Variants in TNFRSF11A observed in about 807,000 individuals in gnomAD.
TNFRSF11A encodes TNF receptor superfamily member 11a, also known as tumor necrosis factor receptor superfamily member 11A.
TNFRSF11A carries 32 observed loss-of-function variants against 55.7 expected under a neutral mutation model. The ratio of observed to expected loss-of-function variants is 0.57; its 90% CI spans 0.43 to 0.77. The LOEUF is 0.77. TNFRSF11A is among the 30% of genes least tolerant of loss of function. TNFRSF11A has a pLI of 0.00. For missense variants in TNFRSF11A, 753 were observed against 809.8 expected (o/e 0.93, Z 0.85); for synonymous variants, 311 against 331.0 (o/e 0.94, Z 0.65).
chr18:62,325,512 G>A lies in TNFRSF11A; in HGVS notation c.75+85G>A. ...AAGGGCCGGGGCCGGCGGCATCCTG[G>A]CTCCTCCGCCTTCCGAGAGGAGCCG... On this transcript the variant is annotated intron_variant, in intron 1 of 9. Transcript: ENST00000586569. This position sits in a 1 kb window ranked among gnomAD's most constrained non-coding sequence, Gnocchi z 4.7. The A allele has an allele frequency of 1.1e-6, 1 of 926,556 alleles. No homozygotes were observed. Among genetic ancestry groups the A allele is most frequent in the South Asian group, 2.8e-5 (1 of 35,498 alleles). The allele number at this position is 926,556 out of a possible 1,614,324, so 57.4% of individuals were successfully genotyped here. A position where few individuals can be genotyped will look rare whatever the true frequency, so the allele number is the denominator to read the frequency against.
intron 9 of TNFRSF11A, among the ~76,000 whole-genome samples, chr18:62,381,616 G>A (rs1019247541): frequency 1.3e-5 from 2 of 152,082 alleles, no homozygotes; most frequent in African/African-American, 4.8e-5. Context: ...CATGATGGAT[G>A]GTTTTGCATT....
chr18:62,333,521 T>C (rs1279670109), intron 1 of TNFRSF11A, among the ~76,000 whole-genome samples: 1 of 152,256 alleles, frequency 6.6e-6, no homozygotes, highest in East Asian at 1.9e-4. Flanking sequence ...GTGCCAGGCA[T>C]GTACTTTACA....
intron 1 of TNFRSF11A, among the ~76,000 whole-genome samples, chr18:62,338,068 C>T (rs966823317): frequency 6.6e-6 from 1 of 152,176 alleles, no homozygotes; most frequent in Non-Finnish European, 1.5e-5. Flanking sequence ...GATGCTCCAC[C>T]TCATTAGTCA....
rs1555777222 is a variant in TNFRSF11A at position 62,385,354 on chromosome 18, G to GT, written c.*321dup. On this transcript the variant is annotated 3_prime_UTR_variant, in exon 10 of 10. Transcript: ENST00000586569. ...ACTATCCTGTTCTGTGGGGGGGGGG[G>GT]TCTGTTTTCCCCCCATATTTGTATT... 1.5e-5 allele frequency: 3 copies of GT among 202,832 alleles called. No homozygotes were observed. Among genetic ancestry groups the GT allele is most frequent in the Non-Finnish European group, 9.6e-6 (1 of 103,728 alleles). 12.6% of individuals were successfully genotyped at this position (202,832 alleles called of 1,614,324 possible).
chr18:62,368,237 A>T (rs1290979677), intron 8 of TNFRSF11A, among the ~76,000 whole-genome samples: 1 of 152,142 alleles, frequency 6.6e-6, no homozygotes, highest in Non-Finnish European at 1.5e-5. Flanking sequence ...GCTGTATGAA[A>T]CCTGGCTCCT....
chr18:62,341,836 CT>C (rs34047775), intron 1 of TNFRSF11A, among the ~76,000 whole-genome samples: 11 of 85,216 alleles, frequency 1.3e-4, no homozygotes, highest in South Asian at 1.1e-3. Flanking sequence ...CTGAGAATGG[CT>C]TTTTTTTTTT....
chr18:62,331,048 A>T (rs567419726), intron 1 of TNFRSF11A: 66 of 152,174 alleles, frequency 4.3e-4, no homozygotes, highest in African/African-American at 1.6e-3. Flanking sequence ...TACTAAAAAT[A>T]AAAAAATTAG....
intron 2 of TNFRSF11A, among the ~76,000 whole-genome samples, chr18:62,349,363 G>A (rs1462347356): frequency 6.6e-6 from 1 of 151,946 alleles, no homozygotes; most frequent in African/African-American, 2.4e-5. Flanking sequence ...TGTATCTTTA[G>A]TAGAGACGAG....
At chr18:62,379,014 C>A (rs900878367) in intron 9 of TNFRSF11A, among the ~76,000 whole-genome samples, 1 of 152,160 alleles carries the variant, frequency 6.6e-6, no homozygotes. Context: ...TGGATTATGA[C>A]GTGCCATGGA....
Position 62,369,030 on chromosome 18 carries a change from A to G in TNFRSF11A, c.1113A>G (p.Thr371=). ...TCACTGAGCCTGGAAGCAAATCCAC[A>G]CCTCCTTTCTCTGAACCCCTGGAGG... is the stretch of plus-strand genomic sequence containing the variant. ...LFLTEPGSKS[T]PPFSEPLEVG... The change falls in exon 9 of 10, where the codon ACA becomes ACG. Residue 371 remains threonine, a synonymous_variant. Coordinates refer to ENST00000586569, the MANE Select transcript of TNFRSF11A (RefSeq NM_003839.4). 6.2e-7 allele frequency: 1 copy of G among 1,614,128 alleles called. No homozygotes were observed. Among genetic ancestry groups the G allele is most frequent in the Non-Finnish European group, 8.5e-7 (1 of 1,180,014 alleles).
intron 7 of TNFRSF11A, among the ~76,000 whole-genome samples, chr18:62,365,558 G>A (rs1025623450): frequency 5.3e-5 from 8 of 152,054 alleles, no homozygotes; most frequent in African/African-American, 1.9e-4. Context: ...CTAGTTCACT[G>A]GAAAAACCAG....
At chr18:62,370,384 A>G (rs80158506) in intron 9 of TNFRSF11A, among the ~76,000 whole-genome samples, 12,890 of 152,310 alleles carry the variant, frequency 0.085, 699 homozygotes, top group East Asian at 0.15. Flanking sequence ...GGGGCTTCAC[A>G]GAATCCTCCA....
chr18:62,349,715 C>G, intron 2 of TNFRSF11A, 97 bp from the exon 3 acceptor site: 1 of 1,384,340 alleles, frequency 7.2e-7, no homozygotes, highest in Non-Finnish European at 1.0e-6. Flanking sequence ...GATTATTGGT[C>G]CCATAGATGG....
chr18:62,377,314 A>G (rs796931201), intron 9 of TNFRSF11A, among the ~76,000 whole-genome samples: 13 of 152,302 alleles, frequency 8.5e-5, no homozygotes, highest in African/African-American at 2.4e-4. Flanking sequence ...GCTGCTTCCA[A>G]GTTTTGGCAA....
intron 8 of TNFRSF11A, among the ~76,000 whole-genome samples, chr18:62,367,785 C>T (rs76695782): frequency 2.3e-4 from 25 of 110,482 alleles, no homozygotes; most frequent in African/African-American, 4.2e-4. Context: ...TTTTCTTCTT[C>T]TTCTTTTTTT....
At chr18:62,342,409 A>AAAAAAAAAAAAAAAAAAC (rs2046326556) in intron 1 of TNFRSF11A, among the ~76,000 whole-genome samples, 1 of 150,036 alleles carries the variant, frequency 6.7e-6, no homozygotes, top group Non-Finnish European at 1.5e-5. Context: ...CTCAAAAAAA[A>AAAAAAAAAAAAAAAAAAC]AAAAAAAAAA....
chr18:62,384,807 T>G lies in TNFRSF11A; in HGVS notation c.1624T>G (p.Phe542Val). 1 of 1,612,784 alleles carries G rather than the reference T, an allele frequency of 6.2e-7. No homozygotes were observed. Among genetic ancestry groups the G allele is most frequent in the Non-Finnish European group, 8.5e-7 (1 of 1,179,520 alleles). Residue 542 changes from phenylalanine (F) to valine (V), a missense_variant, in exon 10 of 10, where the codon TTC (phenylalanine) becomes GTC (valine). Coordinates refer to ENST00000586569, the MANE Select transcript of TNFRSF11A (RefSeq NM_003839.4). ...CATCTCCAGCGGGCAGGTGATGAAC[T>G]TCAAGGGCGACATCATCGTGGTCTA... ...TFISSGQVMN[F>V]KGDIIVVYVS...
chr18:62,336,444 G>C (rs184950076), intron 1 of TNFRSF11A: 1 of 152,364 alleles, frequency 6.6e-6, no homozygotes, highest in East Asian at 1.9e-4. Flanking sequence ...TGAGCAGTTC[G>C]TGCAGCCCCA....
At chr18:62,375,202 G>A (rs1278138124) in intron 9 of TNFRSF11A, among the ~76,000 whole-genome samples, 1 of 151,994 alleles carries the variant, frequency 6.6e-6, no homozygotes, top group East Asian at 1.9e-4. Flanking sequence ...AGCCACTCAG[G>A]AGGCTGAGGT....
Sources: gnomAD v4.1 joint callset for allele counts (sites outside exome capture counted in the v4.1 genomes callset) on GRCh38, gnomAD v4.1.1 for gene constraint, Gnocchi (gnomAD v3.1) non-coding constraint, MANE v1.5 for transcripts, NCBI Gene and HGNC (gene_info 2026-07-23, HGNC 2026-07-21) for gene names.